Variants in MMP16 observed in about 807,000 individuals in gnomAD.
MMP16 encodes the protein matrix metalloproteinase-16.
Under a neutral mutation model 67.8 loss-of-function variants are expected in MMP16, and 12 were observed. That is an observed-to-expected ratio of 0.18 (90% confidence interval 0.11 to 0.29). The LOEUF (loss-of-function observed/expected upper bound fraction) is 0.29. Among genes scored for constraint, MMP16 ranks in the 10% least tolerant of loss-of-function variants. MMP16 has a pLI of 1.00. For missense variants in MMP16, 475 were observed against 765.7 expected (o/e 0.62, Z 4.48); for synonymous variants, 249 against 255.9 (o/e 0.97, Z 0.26).
chr8:88,153,311 A>G (rs1332485597), intron 4 of MMP16, among the ~76,000 whole-genome samples: 2 of 152,198 alleles, frequency 1.3e-5, no homozygotes, highest in African/African-American at 2.4e-5. Context: ...TACAGATTCA[A>G]TGCCGTCCCC....
intron 1 of MMP16, among the ~76,000 whole-genome samples, chr8:88,317,562 C>T (rs1232511880): frequency 6.6e-6 from 1 of 152,106 alleles, no homozygotes; most frequent in Non-Finnish European, 1.5e-5. Flanking sequence ...TTGTGAATTT[C>T]TCTTTATTGC....
chr8:88,306,053 A>C (rs1811207092), intron 1 of MMP16, among the ~76,000 whole-genome samples: 1 of 152,008 alleles, frequency 6.6e-6, no homozygotes, highest in African/African-American at 2.4e-5. Flanking sequence ...GACTAAGGAA[A>C]AAGAAAAGAG....
chr8:88,226,918 G>A (rs534878649), intron 1 of MMP16, among the ~76,000 whole-genome samples: 17 of 149,312 alleles, frequency 1.1e-4, no homozygotes, highest in African/African-American at 2.0e-4. Context: ...TTATTCTCTC[G>A]GAAATCATTT....
chr8:88,101,169 T>A (rs1170822401), intron 6 of MMP16, among the ~76,000 whole-genome samples: 1 of 151,734 alleles, frequency 6.6e-6, no homozygotes, highest in Non-Finnish European at 1.5e-5. Context: ...ATTATACAGA[T>A]GAAAAAACTC....
intron 1 of MMP16, among the ~76,000 whole-genome samples, chr8:88,235,974 A>G (rs1181369170): frequency 6.6e-6 from 1 of 152,206 alleles, no homozygotes; most frequent in African/African-American, 2.4e-5. Context: ...CAAGAACATA[A>G]CTCCCAGCAC....
intron 6 of MMP16, among the ~76,000 whole-genome samples, chr8:88,093,113 CTT>C (rs1808965877): frequency 6.6e-6 from 1 of 151,874 alleles, no homozygotes; most frequent in East Asian, 1.9e-4. Flanking sequence ...GTCAGGGGGA[CTT>C]TAATACTACC....
chr8:88,105,697 A>G (rs1809225659), intron 6 of MMP16, among the ~76,000 whole-genome samples: 1 of 151,444 alleles, frequency 6.6e-6, no homozygotes, highest in African/African-American at 2.4e-5. Flanking sequence ...CTTGTTTTCA[A>G]GGGGAAGAGC....
At chr8:88,315,890 A>G (rs1811369002) in intron 1 of MMP16, among the ~76,000 whole-genome samples, 1 of 152,210 alleles carries the variant, frequency 6.6e-6, no homozygotes, top group African/African-American at 2.4e-5. Flanking sequence ...AATGCAAGGG[A>G]AAAGTTTCTG....
intron 1 of MMP16, among the ~76,000 whole-genome samples, chr8:88,298,508 G>A (rs1811046147): frequency 1.3e-5 from 2 of 152,116 alleles, no homozygotes; most frequent in South Asian, 2.1e-4. Flanking sequence ...CCAATGGCTC[G>A]GCAGCATGAA....
At chr8:88,237,636 G>A (rs1169415966) in intron 1 of MMP16, among the ~76,000 whole-genome samples, 1 of 150,434 alleles carries the variant, frequency 6.6e-6, no homozygotes, top group East Asian at 2.0e-4. Context: ...GCGACAGAGT[G>A]AGACTCCGAT....
chr8:88,100,992 GGGGA>G (rs1563531679), intron 6 of MMP16, among the ~76,000 whole-genome samples: 1 of 138,382 alleles, frequency 7.2e-6, no homozygotes, highest in African/African-American at 2.6e-5. Context: ...TGAGGGGAGG[GGGGA>G]GGGATAGCAT....
intron 6 of MMP16, among the ~76,000 whole-genome samples, chr8:88,116,141 A>C (rs28906368): frequency 1.6e-3 from 237 of 152,210 alleles, no homozygotes; most frequent in African/African-American, 5.5e-3. Flanking sequence ...TGTAAACCAA[A>C]GATACAATAG....
At chr8:88,297,645 A>C (rs1811033705) in intron 1 of MMP16, among the ~76,000 whole-genome samples, 1 of 152,208 alleles carries the variant, frequency 6.6e-6, no homozygotes. Flanking sequence ...ATAAACTCTA[A>C]GTACTGTGCA....
intron 8 of MMP16, among the ~76,000 whole-genome samples, chr8:88,054,610 G>T (rs1808309007): frequency 1.3e-5 from 2 of 152,112 alleles, no homozygotes; most frequent in Non-Finnish European, 2.9e-5. Context: ...TTATAGCACA[G>T]CCTAGCTTTA....
chr8:88,048,338 C>T (rs915846399), intron 8 of MMP16, among the ~76,000 whole-genome samples: 3 of 152,126 alleles, frequency 2.0e-5, no homozygotes, highest in African/African-American at 4.8e-5. Context: ...TCACAGAACC[C>T]CTAGACTTCC....
chr8:88,323,787 A>G (rs1034155132), intron 1 of MMP16, among the ~76,000 whole-genome samples: 1 of 146,974 alleles, frequency 6.8e-6, no homozygotes, highest in Non-Finnish European at 1.5e-5. Context: ...ACAGCATACC[A>G]AAAAAAAAAG....
intron 8 of MMP16, among the ~76,000 whole-genome samples, chr8:88,050,680 C>T (rs936645198): frequency 6.6e-6 from 1 of 152,170 alleles, no homozygotes; most frequent in Non-Finnish European, 1.5e-5. Flanking sequence ...GTCACATTTA[C>T]TGTGTTTGAA....
chr8:88,053,912 A>T (rs1369920804), intron 8 of MMP16, among the ~76,000 whole-genome samples: 1 of 152,110 alleles, frequency 6.6e-6, no homozygotes, highest in Non-Finnish European at 1.5e-5. Flanking sequence ...GCATTTCTAT[A>T]TATTTTCTAT....
chr8:88,311,689 T>C (rs1454556541), intron 1 of MMP16, among the ~76,000 whole-genome samples: 2 of 152,158 alleles, frequency 1.3e-5, no homozygotes, highest in Admixed American at 6.6e-5. Context: ...TAAACCATAA[T>C]AGAAGATTCT....
Sources: allele counts gnomAD v4.1 joint callset (sites outside exome capture counted in the v4.1 genomes callset), GRCh38; gene constraint gnomAD v4.1.1; transcripts MANE v1.5; gene names NCBI Gene and HGNC (gene_info 2026-07-23, HGNC 2026-07-21).